Variants in INPP5D observed in about 807,000 individuals in gnomAD.
INPP5D encodes phosphatidylinositol 3,4,5-trisphosphate 5-phosphatase 1.
INPP5D carries 33 observed loss-of-function variants against 122.9 expected under a neutral mutation model. The observed-to-expected ratio is 0.27, with a 90% CI of 0.20 to 0.36. The LOEUF (loss-of-function observed/expected upper bound fraction) is 0.36, where lower values mean the gene tolerates loss of function less well. Among genes scored for constraint, INPP5D ranks in the 10% least tolerant of loss-of-function variants. INPP5D has a pLI of 1.00. For missense variants in INPP5D, 1,053 were observed against 1,412.7 expected (o/e 0.75, Z 4.08); for synonymous variants, 584 against 576.2 (o/e 1.01, Z -0.19).
chr2:233,102,285 G>A (rs188265168), intron 2 of INPP5D, among the ~76,000 whole-genome samples: 369 of 152,216 alleles, frequency 2.4e-3, no homozygotes, highest in Non-Finnish European at 3.9e-3. Flanking sequence ...TAGCACCCAA[G>A]GCCTGTGTTA....
rs776273037 is a variant in INPP5D, at chr2:233,164,876, G to A, written c.1555+452G>A. ...CCTTTCTGGTGGGAAAGCAGCCATA[G>A]GCAACCCAGAAAGCGAATGGGAGTG... On this transcript the variant is annotated intron_variant, in intron 13 of 26. Transcript: ENST00000445964. The surrounding 1 kb of genome is among the most constrained non-coding windows in gnomAD (Gnocchi z 4.3). Among the ~76,000 whole-genome samples, 22 of 151,710 alleles carry A rather than the reference G, an allele frequency of 1.5e-4. No individual in the cohort carries two copies. The highest frequency in any genetic ancestry group is 3.1e-4 in the Non-Finnish European group (21 of 67,926).
chr2:233,092,350 AAAG>A (rs1265474163), intron 2 of INPP5D, among the ~76,000 whole-genome samples: 4 of 152,240 alleles, frequency 2.6e-5, no homozygotes, highest in African/African-American at 9.6e-5. Flanking sequence ...AGCAAGCTGG[AAAG>A]AAGAGCGTCT....
In INPP5D at chr2:233,189,716, T is replaced by A. The variant is rs899294536; in HGVS notation, c.2359-134T>A. ...TGAAAGCTATACCCCACCTGCTCTC[T>A]TGGGTATGGACAGCAGAGATTTAGA... On this transcript the variant is annotated intron_variant, in intron 21 of 26. Coordinates refer to ENST00000445964, the MANE Select transcript of INPP5D (RefSeq NM_001017915.3). The surrounding 1 kb of genome is among the most constrained non-coding windows in gnomAD (Gnocchi z 5.6). 50 of 1,326,920 alleles carry A rather than the reference T, an allele frequency of 3.8e-5. No homozygotes were observed. The highest frequency in any genetic ancestry group is 4.8e-5 in the Non-Finnish European group (48 of 991,890). The allele number at this position is 1,326,920 out of a possible 1,614,324, so 82.2% of individuals were successfully genotyped here.
chr2:233,155,634 A>G (rs1694030613), intron 9 of INPP5D, among the ~76,000 whole-genome samples: 1 of 13,528 alleles, frequency 7.4e-5, no homozygotes, highest in African/African-American at 1.2e-4. Flanking sequence ...AAATAAATAA[A>G]TAAATAAATA....
At chr2:233,163,071 C>T (rs1694237548) in intron 11 of INPP5D, among the ~76,000 whole-genome samples, 1 of 152,228 alleles carries the variant, frequency 6.6e-6, no homozygotes, top group Non-Finnish European at 1.5e-5. Flanking sequence ...CCATTTACTC[C>T]AATGCTTGGC....
In INPP5D at chr2:233,206,636, C is replaced by G; in HGVS notation, c.3568-70C>G. ...TGGCCTAGCCCACAGCATGCAGGGA[C>G]CTGGGCCACTTAGTTCAACATGGCC... On this transcript the variant is annotated intron_variant, in intron 26 of 26. Coordinates refer to ENST00000445964, the MANE Select transcript of INPP5D (RefSeq NM_001017915.3). The surrounding 1 kb of genome is among the most constrained non-coding windows in gnomAD (Gnocchi z 4.0). 1 of 741,848 alleles carries G rather than the reference C, an allele frequency of 1.3e-6. No homozygotes were observed. Among genetic ancestry groups the G allele is most frequent in the Non-Finnish European group, 2.5e-6 (1 of 398,300 alleles). 46.0% of individuals were successfully genotyped at this position (741,848 alleles called of 1,614,324 possible).
rs1198738538 is a variant in INPP5D, at chr2:233,198,355, C to A, written c.2954C>A (p.Pro985His). ...CCCTCAACAGCAAACCGGGGTCTCCCTCCCAGGACACAGGAGTCAAGGTGA... is the reference window on the plus strand; with the variant it reads ...CCCTCAACAGCAAACCGGGGTCTCCATCCCAGGACACAGGAGTCAAGGTGA... ...FLPSTANRGL[P>H]PRTQESRPSD... Residue 985 changes from proline to histidine, a missense_variant, in exon 25 of 27, where the codon CCT (proline) becomes CAT (histidine). Transcript: ENST00000445964. 6.2e-7 allele frequency: 1 copy of A among 1,612,950 alleles called. No homozygotes were observed. Among genetic ancestry groups the A allele is most frequent in the African/African-American group, 1.3e-5 (1 of 75,042 alleles).
At chr2:233,185,400 C>T (rs528900668) in intron 20 of INPP5D, among the ~76,000 whole-genome samples, 5 of 152,004 alleles carry the variant, frequency 3.3e-5, no homozygotes, top group African/African-American at 7.2e-5. Context: ...GATTTTTGTG[C>T]GGGTGTTTTT....
chr2:233,143,103 G>T (rs1169746219), intron 6 of INPP5D, among the ~76,000 whole-genome samples: 1 of 152,126 alleles, frequency 6.6e-6, no homozygotes, highest in Non-Finnish European at 1.5e-5. Context: ...TCCCCCATCA[G>T]CAAAACAAGG....
intron 2 of INPP5D, among the ~76,000 whole-genome samples, chr2:233,106,097 G>A (rs1692461693): frequency 1.3e-5 from 2 of 152,212 alleles, no homozygotes; most frequent in African/African-American, 4.8e-5. Context: ...TTCAATAAGA[G>A]GAAGACCCCG....
intron 10 of INPP5D, among the ~76,000 whole-genome samples, chr2:233,159,998 G>A (rs1408433851): frequency 6.6e-6 from 1 of 152,158 alleles, no homozygotes; most frequent in Non-Finnish European, 1.5e-5. Context: ...AAGACCGCTG[G>A]GCTGGAATGC....
At chr2:233,134,078 A>T (rs965606000) in intron 5 of INPP5D, 3 of 453,452 alleles carry the variant, frequency 6.6e-6, no homozygotes, top group African/African-American at 6.0e-5. Context: ...AGATGAATCT[A>T]GGGTGACCCC....
chr2:233,202,875 G>C (rs1695375349), intron 25 of INPP5D, among the ~76,000 whole-genome samples: 1 of 152,204 alleles, frequency 6.6e-6, no homozygotes, highest in South Asian at 2.1e-4. Flanking sequence ...AGCTTCCCCT[G>C]CCCATGAGTT....
intron 5 of INPP5D, among the ~76,000 whole-genome samples, chr2:233,137,848 AAAAAAATATATATATATATAT>A (rs1693513172): frequency 7.0e-5 from 1 of 14,320 alleles, no homozygotes; most frequent in African/African-American, 2.0e-4. Flanking sequence ...AAAAAAAAAA[AAAAAAATATATATATATATAT>A]ATATATATAT....
At position 233,195,514 on chromosome 2, in the gene INPP5D, G is replaced by A. The variant is rs373685670; in HGVS notation, c.2693+19G>A. 1.7e-5 allele frequency: 27 copies of A among 1,612,982 alleles called. No homozygotes were observed. The African/African-American group carries it at 2.9e-4, about 18-fold the overall frequency. On this transcript the variant is annotated intron_variant, in intron 24 of 26. Coordinates refer to ENST00000445964, the MANE Select transcript of INPP5D (RefSeq NM_001017915.3). Reference sequence around the variant, plus strand: ...CTAGCAGGTAAAGTGGGCGTGGGGTGGGTGTTGGGGGGGGTGGATATCAGG... The same window carrying A: ...CTAGCAGGTAAAGTGGGCGTGGGGTAGGTGTTGGGGGGGGTGGATATCAGG...
At chr2:233,069,096 G>A (rs1443347835) in intron 1 of INPP5D, among the ~76,000 whole-genome samples, 3 of 152,238 alleles carry the variant, frequency 2.0e-5, no homozygotes, top group East Asian at 1.9e-4. Context: ...GCGGCAGCAC[G>A]TGGGGACCAG....
chr2:233,176,709 GA>G (rs371076689), intron 17 of INPP5D, among the ~76,000 whole-genome samples: 125,345 of 125,546 alleles, frequency 1, 62,573 homozygotes, highest in Middle Eastern at 1. Flanking sequence ...GTGGATGGAT[GA>G]AATGGACAGG....
intron 6 of INPP5D, among the ~76,000 whole-genome samples, chr2:233,144,181 G>A (rs1461957603): frequency 6.6e-6 from 1 of 151,152 alleles, no homozygotes; most frequent in Admixed American, 6.6e-5. Context: ...TGTTGGAGGT[G>A]GTCATGATCA....
chr2:233,109,184 C>T (rs532667541), intron 2 of INPP5D, among the ~76,000 whole-genome samples: 10 of 152,332 alleles, frequency 6.6e-5, no homozygotes, highest in South Asian at 2.1e-4. Context: ...CATGCCAATG[C>T]ACAGTGCCCA....
Sources: allele counts gnomAD v4.1 joint callset (sites outside exome capture counted in the v4.1 genomes callset), GRCh38; gene constraint gnomAD v4.1.1; non-coding constraint Gnocchi (gnomAD v3.1); transcripts MANE v1.5; gene names NCBI Gene and HGNC (gene_info 2026-07-23, HGNC 2026-07-21).